WDR88: variants seen among roughly 807,000 people sequenced by gnomAD.
WDR88 encodes WD repeat-containing protein 88.
Under a neutral mutation model 46.8 loss-of-function variants are expected in WDR88, and 40 were observed. The observed-to-expected ratio is 0.86, with a 90% CI of 0.66 to 1.11. The LOEUF is 1.11. Ranked by LOEUF, WDR88 falls within the 50% of genes most tolerant of loss-of-function variation. The pLI is 0.00. For missense variants in WDR88, 562 were observed against 602.4 expected, an observed-to-expected ratio of 0.93 and a Z score of 0.70; for synonymous variants, 235 against 240.7, an observed-to-expected ratio of 0.98 and a Z score of 0.22.
chr19:33,137,871 A>T (rs894486673), intron 2 of WDR88, 84 bp downstream of exon 2: 1 of 1,150,770 alleles, frequency 8.7e-7, no homozygotes, highest in Non-Finnish European at 1.2e-6. Context: ...CCCAGCACTG[A>T]ACTCACAGGC....
Position 33,160,497 on chromosome 19 carries a change from G to A in WDR88, c.1080+1G>A, listed in dbSNP as rs1228380091. ...AGGCTACCGGAAGCTCTCTTTGAAG[G>A]TACATGTGGCCAGCATGAGATTGAG... On this transcript the variant is annotated splice_donor_variant, in intron 8 of 10. Coordinates refer to ENST00000355868, the MANE Select transcript of WDR88 (RefSeq NM_173479.4). LOFTEE classifies it high-confidence loss of function. The A allele has an allele frequency of 3.1e-6, 5 of 1,614,138 alleles. No homozygotes were observed. Among genetic ancestry groups the A allele is most frequent in the African/African-American group, 1.3e-5 (1 of 75,048 alleles).
At chr19:33,164,600 G>C (rs930711776) in intron 9 of WDR88, among the ~76,000 whole-genome samples, 1 of 151,990 alleles carries the variant, frequency 6.6e-6, no homozygotes, top group Non-Finnish European at 1.5e-5. Flanking sequence ...CCCAAGGTCC[G>C]GGGGGGTCTC....
chr19:33,174,576 A>G (rs1474834140), intron 10 of WDR88: 17 of 983,570 alleles, frequency 1.7e-5, no homozygotes, highest in Non-Finnish European at 2.1e-5. Context: ...AGGCTCAGGG[A>G]CGCAGGAGGG....
chr19:33,175,102 G>A, intron 10 of WDR88: 1 of 753,096 alleles, frequency 1.3e-6, no homozygotes, highest in South Asian at 6.0e-5. Context: ...GGATGTGGTG[G>A]TGCACGCCTG....
Position 33,151,233 on chromosome 19 carries a change from G to A in WDR88, c.732G>A (p.Arg244=). 1.2e-6 allele frequency: 2 copies of A among 1,613,800 alleles called. No homozygotes were observed. Among genetic ancestry groups the A allele is most frequent in the South Asian group, 1.1e-5 (1 of 90,932 alleles). Residue 244 remains arginine, a synonymous_variant, in exon 6 of 11, where the codon AGG becomes AGA. Transcript: ENST00000355868. ...GCTGCTTTGACCCCGACAGCCAGAG[G>A]GTGGCTTCTGTCTCATTGGACAGGT... The part of the protein sequence containing the change: ...TSCCFDPDSQ[R]VASVSLDRCI...
At chr19:33,150,701 C>T (rs533522022) in intron 5 of WDR88, among the ~76,000 whole-genome samples, 1 of 152,402 alleles carries the variant, frequency 6.6e-6, no homozygotes, top group Admixed American at 6.5e-5. Flanking sequence ...CCCCTAAGAG[C>T]CCACTTGACA....
chr19:33,174,428 T>A, intron 10 of WDR88: 1 of 1,376,626 alleles, frequency 7.3e-7, no homozygotes, highest in Non-Finnish European at 9.4e-7. Context: ...CCATGCATGG[T>A]GGGAACCCCT....
intron 10 of WDR88, among the ~76,000 whole-genome samples, chr19:33,173,043 G>C (rs536524975): frequency 8.0e-6 from 1 of 125,344 alleles, no homozygotes; most frequent in South Asian, 2.7e-4. Flanking sequence ...AGTGAGTTGA[G>C]ATTGCGCCAC....
At chr19:33,149,657 CTT>C (rs113775920) in intron 5 of WDR88, among the ~76,000 whole-genome samples, 1 of 146,504 alleles carries the variant, frequency 6.8e-6, no homozygotes, top group African/African-American at 2.5e-5. Context: ...CTACCTGTAT[CTT>C]TTTTTTTTTT....
intron 2 of WDR88, among the ~76,000 whole-genome samples, chr19:33,142,207 CA>C (rs1469637319): frequency 1.3e-4 from 20 of 151,910 alleles, no homozygotes; most frequent in South Asian, 1.0e-3. Context: ...AAGGAGCCAG[CA>C]GGGGGGGACG....
chr19:33,147,726 G>T lies in WDR88; in HGVS notation c.540+18G>T, dbSNP rs1973548752. The stretch of plus-strand genomic sequence containing the variant: ...AGCTGCTGGTACGTATGCCTGTCCA[G>T]TGGGGGCGTTGGTTGCAGCCCAGGG... On this transcript the variant is annotated intron_variant, in intron 4 of 10. Coordinates refer to ENST00000355868, the MANE Select transcript of WDR88 (RefSeq NM_173479.4). 6.2e-7 allele frequency: 1 copy of T among 1,613,128 alleles called. No homozygotes were observed. The highest frequency in any genetic ancestry group is 8.5e-7 in the Non-Finnish European group (1 of 1,179,480).
intron 6 of WDR88, among the ~76,000 whole-genome samples, chr19:33,155,480 A>C (rs758268611): frequency 6.6e-6 from 1 of 152,150 alleles, no homozygotes; most frequent in Non-Finnish European, 1.5e-5. Context: ...TACAACACTG[A>C]AATATACTTG....
intron 2 of WDR88, among the ~76,000 whole-genome samples, chr19:33,140,279 C>T (rs960768208): frequency 1.3e-5 from 2 of 152,146 alleles, no homozygotes; most frequent in East Asian, 1.9e-4. Flanking sequence ...CTCAACACCC[C>T]GAGTAGCTGG....
chr19:33,145,041 C>T (rs1022964208), intron 3 of WDR88, 109 bp downstream of exon 3: 1 of 1,040,072 alleles, frequency 9.6e-7, no homozygotes. Flanking sequence ...GATATGGGGT[C>T]TCACCATGTG....
intron 8 of WDR88, among the ~76,000 whole-genome samples, chr19:33,161,112 G>A (rs1973857983): frequency 6.6e-6 from 1 of 152,116 alleles, no homozygotes; most frequent in Non-Finnish European, 1.5e-5. Context: ...GGCGGAGGTT[G>A]CACTGGGCCA....
chr19:33,150,245 A>G (rs539778185), intron 5 of WDR88, among the ~76,000 whole-genome samples: 18 of 152,192 alleles, frequency 1.2e-4, no homozygotes, highest in Admixed American at 1.2e-3. Context: ...TGAGCTCAAA[A>G]GTTCAAGACC....
rs1973548827 is a variant in WDR88 at position 33,147,725 on chromosome 19, AG to A, written c.540+18del. ...AAGCTGCTGGTACGTATGCCTGTCC[AG>A]TGGGGGCGTTGGTTGCAGCCCAGGG... On this transcript the variant is annotated intron_variant, in intron 4 of 10. Transcript: ENST00000355868. The A allele has an allele frequency of 6.2e-7, 1 of 1,613,086 alleles. No homozygotes were observed. The highest frequency in any genetic ancestry group is 1.3e-5 in the African/African-American group (1 of 74,998).
chr19:33,142,878 A>AAAAAAAAAACAAAAG (rs1289318961), intron 2 of WDR88: 1 of 142,874 alleles, frequency 7.0e-6, no homozygotes, highest in African/African-American at 2.7e-5. Context: ...AAAAAAAAAA[A>AAAAAAAAAACAAAAG]AAGGCCGGGG....
intron 7 of WDR88, 94 bp downstream of exon 7, chr19:33,156,636 A>AATG (rs1973741519): frequency 3.6e-6 from 5 of 1,380,976 alleles, no homozygotes; most frequent in Non-Finnish European, 4.9e-6. Context: ...GGCAATTTCC[A>AATG]ATGATGCTGA....
Sources: allele counts gnomAD v4.1 joint callset (sites outside exome capture counted in the v4.1 genomes callset), GRCh38; gene constraint gnomAD v4.1.1; transcripts MANE v1.5; gene names NCBI Gene and HGNC (gene_info 2026-07-23, HGNC 2026-07-21).